Variants in CFDP1 observed in about 807,000 individuals in gnomAD.
The protein encoded by CFDP1 is chromatin remodeling protein CFDP1.
A neutral mutation model predicts 40.1 loss-of-function variants in CFDP1; 31 were observed. The ratio of observed to expected loss-of-function variants is 0.77; its 90% CI spans 0.58 to 1.04. The LOEUF is 1.04. CFDP1 is among the 50% of genes least tolerant of loss of function. The probability of loss-of-function intolerance (pLI) is 0.00; values close to 1 mark genes in which losing one functional copy is unlikely to be tolerated. For synonymous variants in CFDP1, 167 were observed against 120.0 expected, an observed-to-expected ratio of 1.39 and a Z score of -2.56; for missense variants, 423 against 343.4, an observed-to-expected ratio of 1.23 and a Z score of -1.83.
At chr16:75,328,714 T>C (rs1263421219) in intron 5 of CFDP1, among the ~76,000 whole-genome samples, 4 of 150,800 alleles carry the variant, frequency 2.7e-5, no homozygotes, top group African/African-American at 9.8e-5. Flanking sequence ...ACTCTCACTC[T>C]GTCACCCAGG....
intron 1 of CFDP1, among the ~76,000 whole-genome samples, chr16:75,415,235 C>A (rs531835839): frequency 6.6e-6 from 1 of 152,340 alleles, no homozygotes; most frequent in East Asian, 1.9e-4. Flanking sequence ...TTGTCAGACA[C>A]TGACATTCAA....
rs61344775 is a variant in CFDP1 at position 75,393,737 on chromosome 16, CAAAAAAAAAAAA to C, written c.650+1341_650+1352del. Among the ~76,000 whole-genome samples the C allele has an allele frequency of 1.2e-3, 98 of 80,600 alleles. 6 individuals are homozygous for C. The highest frequency in any genetic ancestry group is 4.5e-3 in the African/African-American group (77 of 17,186). 52.9% of individuals were successfully genotyped at this position (80,600 alleles called of 152,430 possible). A position where few individuals can be genotyped will look rare whatever the true frequency, so the allele number is the denominator to read the frequency against. ...TGGGCGACAGAGCGAGACTCCGTCG[CAAAAAAAAAAAA>C]AAAAAAAAAAAAAAAAAAAAAAAAG... is the stretch of plus-strand genomic sequence containing the variant. On this transcript the variant is annotated intron_variant, in intron 5 of 6. Coordinates refer to ENST00000283882, the MANE Select transcript of CFDP1 (RefSeq NM_006324.3).
chr16:75,306,715 G>A (rs556068817), intron 5 of CFDP1, among the ~76,000 whole-genome samples: 4 of 152,248 alleles, frequency 2.6e-5, no homozygotes, highest in African/African-American at 7.2e-5. Flanking sequence ...GTGCTATCTC[G>A]CCTCCAGATG....
At position 75,340,300 on chromosome 16, in the gene CFDP1, TAGA is replaced by T. The variant is rs535752043; in HGVS notation, c.651-35121_651-35119del. On this transcript the variant is annotated intron_variant, in intron 5 of 6. Transcript: ENST00000283882. ...TCAATCACTAAGAGAAGAAATAATT[TAGA>T]AGAAGAATTCATTTTTGGTTACTCA... Among the ~76,000 whole-genome samples the T allele has an allele frequency of 3.3e-5, 5 of 152,358 alleles. No homozygotes were observed. The South Asian group carries it at 8.3e-4, about 25-fold the overall frequency.
chr16:75,359,467 A>T (rs1053035848), intron 5 of CFDP1, among the ~76,000 whole-genome samples: 1 of 152,196 alleles, frequency 6.6e-6, no homozygotes, highest in Non-Finnish European at 1.5e-5. Context: ...TAAGTGCTGA[A>T]TTTTTAGCTA....
chr16:75,412,925 A>G (rs1450351104), intron 2 of CFDP1, among the ~76,000 whole-genome samples, 171 bp from the exon 3 acceptor site: 1 of 151,956 alleles, frequency 6.6e-6, no homozygotes, highest in Non-Finnish European at 1.5e-5. Flanking sequence ...TATAGAAGAA[A>G]AAAAAAGAAT....
At chr16:75,354,863 C>T (rs149631060) in intron 5 of CFDP1, among the ~76,000 whole-genome samples, 50 of 152,248 alleles carry the variant, frequency 3.3e-4, no homozygotes, top group Admixed American at 2.3e-3. Flanking sequence ...GACAAATGTA[C>T]CACTGCCAAA....
intron 1 of CFDP1, among the ~76,000 whole-genome samples, chr16:75,426,713 T>G (rs1163938896): frequency 1.3e-5 from 2 of 151,764 alleles, no homozygotes; most frequent in African/African-American, 4.8e-5. Flanking sequence ...CAAACACTAT[T>G]AAGAGAATGA....
intron 5 of CFDP1, among the ~76,000 whole-genome samples, chr16:75,364,035 T>C (rs1213174405): frequency 1.3e-5 from 2 of 151,616 alleles, no homozygotes; most frequent in Non-Finnish European, 2.9e-5. Context: ...TGAAGGTTCA[T>C]ACTAGTGGGA....
chr16:75,371,138 A>C (rs2078748339), intron 5 of CFDP1, among the ~76,000 whole-genome samples: 1 of 152,208 alleles, frequency 6.6e-6, no homozygotes, highest in South Asian at 2.1e-4. Context: ...CATTTTGAAT[A>C]AGCCAATTCT....
intron 5 of CFDP1, among the ~76,000 whole-genome samples, chr16:75,386,542 T>C (rs567252115): frequency 3.8e-4 from 58 of 152,270 alleles, no homozygotes; most frequent in African/African-American, 1.3e-3. Flanking sequence ...CTGGTCAACA[T>C]GGTGAAACCC....
Position 75,383,328 on chromosome 16 carries a change from C to A in CFDP1, c.650+11762G>T, listed in dbSNP as rs139598136. 4.3e-3 allele frequency among the ~76,000 whole-genome samples: 662 copies of A among 152,310 alleles called. 3 individuals are homozygous for A. The highest frequency in any genetic ancestry group is 0.015 in the African/African-American group (612 of 41,556). ...ATTAAAGTATTTATCTAATATGAAT[C>A]TTTCTGTACAGTCAGAACCCTTCAG... On this transcript the variant is annotated intron_variant, in intron 5 of 6. Coordinates refer to ENST00000283882, the MANE Select transcript of CFDP1 (RefSeq NM_006324.3).
chr16:75,420,994 CTGGATCT>C (rs2079272809), intron 1 of CFDP1, among the ~76,000 whole-genome samples: 1 of 152,186 alleles, frequency 6.6e-6, no homozygotes, highest in Admixed American at 6.5e-5. Flanking sequence ...GCACATGACT[CTGGATCT>C]TAAACATGTA....
intron 5 of CFDP1, among the ~76,000 whole-genome samples, chr16:75,354,214 GTT>G (rs2078631660): frequency 6.6e-6 from 1 of 152,222 alleles, no homozygotes; most frequent in Non-Finnish European, 1.5e-5. Context: ...TGTTTGGTAG[GTT>G]GGGTGAATTA....
intron 6 of CFDP1, among the ~76,000 whole-genome samples, chr16:75,300,163 C>T (rs181544433): frequency 3.7e-4 from 57 of 152,196 alleles, no homozygotes; most frequent in Non-Finnish European, 8.1e-4. Context: ...CAGATGTCTG[C>T]GGCCTGTACT....
chr16:75,338,419 G>A (rs1296231195), intron 5 of CFDP1, among the ~76,000 whole-genome samples: 3 of 152,180 alleles, frequency 2.0e-5, no homozygotes, highest in Non-Finnish European at 4.4e-5. Flanking sequence ...GGGTTGGAGA[G>A]GGGTCCATTC....
rs115821394 is a variant in CFDP1, at chr16:75,369,434, C to T, written c.650+25656G>A. ...CAAAAAAACAAAAAGCCAAAAAACC[C>T]GCACACTGCTATACAGAATTCTAGC... On this transcript the variant is annotated intron_variant, in intron 5 of 6. Transcript: ENST00000283882. 6.1e-3 allele frequency among the ~76,000 whole-genome samples: 925 copies of T among 152,086 alleles called. 11 individuals carry two copies. Among genetic ancestry groups the T allele is most frequent in the African/African-American group, 0.02 (829 of 41,476 alleles).
chr16:75,388,774 G>A (rs1002801175), intron 5 of CFDP1, among the ~76,000 whole-genome samples: 1 of 152,086 alleles, frequency 6.6e-6, no homozygotes, highest in Non-Finnish European at 1.5e-5. Context: ...AAACTACAAT[G>A]GTCAGCATTA....
intron 5 of CFDP1, among the ~76,000 whole-genome samples, chr16:75,335,262 T>G (rs2078478346): frequency 1.3e-5 from 2 of 152,230 alleles, no homozygotes; most frequent in South Asian, 4.1e-4. Flanking sequence ...AGTAACTTGT[T>G]AGATGTCTTG....
Sources: gnomAD v4.1 joint callset for allele counts (sites outside exome capture counted in the v4.1 genomes callset) on GRCh38, gnomAD v4.1.1 for gene constraint, MANE v1.5 for transcripts, NCBI Gene and HGNC (gene_info 2026-07-23, HGNC 2026-07-21) for gene names.